The following COMMD1 variants were observed in gnomAD, a reference collection of about 807,000 sequenced individuals.
COMMD1 encodes the protein copper metabolism domain containing 1.
Under a neutral mutation model 17.2 loss-of-function variants are expected in COMMD1, and 10 were observed. That is an observed-to-expected ratio of 0.58 (90% CI 0.36 to 0.99). The LOEUF is 0.99. COMMD1 is among the 50% of genes least tolerant of loss of function. COMMD1 has a pLI of 0.01. For missense variants in COMMD1, 270 were observed against 231.8 expected, an observed-to-expected ratio of 1.17 and a Z score of -1.07; for synonymous variants, 97 against 91.6, an observed-to-expected ratio of 1.06 and a Z score of -0.34.
intron 1 of COMMD1, among the ~76,000 whole-genome samples, chr2:61,974,464 G>C (rs1228108049): frequency 6.6e-6 from 1 of 151,728 alleles, no homozygotes; most frequent in Non-Finnish European, 1.5e-5. Context: ...ACTAGGTCAG[G>C]AGTTCAAGAC....
chr2:62,082,922 A>T (rs752654022), intron 2 of COMMD1, among the ~76,000 whole-genome samples: 1 of 152,132 alleles, frequency 6.6e-6, no homozygotes, highest in Non-Finnish European at 1.5e-5. Context: ...GATATCAGCT[A>T]TCCAATTCCC....
chr2:61,961,110 G>GTTTTTGGTGTTGCC (rs1252474715), intron 1 of COMMD1, among the ~76,000 whole-genome samples: 1 of 152,216 alleles, frequency 6.6e-6, no homozygotes, highest in African/African-American at 2.4e-5. Context: ...TGGAAATGAA[G>GTTTTTGGTGTTGCC]TTTTTGGTGT....
At chr2:61,952,173 TATAGTTTAACCTGAAAGCAAGG>T (rs1222913454) in intron 1 of COMMD1, among the ~76,000 whole-genome samples, 4 of 152,244 alleles carry the variant, frequency 2.6e-5, no homozygotes, top group Non-Finnish European at 5.9e-5. Flanking sequence ...GAATTTAGTT[TATAGTTTAACCTGAAAGCAAGG>T]ATAATATTCC....
chr2:62,033,939 A>C (rs112534133), intron 2 of COMMD1, among the ~76,000 whole-genome samples: 5 of 151,884 alleles, frequency 3.3e-5, no homozygotes. Flanking sequence ...GGGAGACCCC[A>C]TTTCTACAAA....
chr2:62,054,090 A>G (rs1473311525), intron 2 of COMMD1, among the ~76,000 whole-genome samples: 3 of 152,244 alleles, frequency 2.0e-5, no homozygotes, highest in South Asian at 2.1e-4. Flanking sequence ...GCCAACAGGT[A>G]TATGAAAAAA....
At chr2:62,121,738 C>CA (rs549415329) in intron 2 of COMMD1, among the ~76,000 whole-genome samples, 13,111 of 79,808 alleles carry the variant, frequency 0.16, 1,810 homozygotes, top group African/African-American at 0.41. Context: ...GACTCCGTCT[C>CA]AAAAAAAAAA....
chr2:61,896,163 T>C (rs896847827), intron 1 of COMMD1, among the ~76,000 whole-genome samples: 2 of 152,200 alleles, frequency 1.3e-5, no homozygotes, highest in African/African-American at 4.8e-5. Context: ...AGGAAACTGC[T>C]ATGGTTTGAA....
At chr2:62,051,006 A>T (rs1244565853) in intron 2 of COMMD1, among the ~76,000 whole-genome samples, 1 of 152,082 alleles carries the variant, frequency 6.6e-6, no homozygotes, top group Non-Finnish European at 1.5e-5. Context: ...CTGTAGGTGA[A>T]ATTGTTATTA....
At chr2:61,892,679 A>G (rs1373566502) in intron 1 of COMMD1, among the ~76,000 whole-genome samples, 3 of 149,466 alleles carry the variant, frequency 2.0e-5, no homozygotes, top group Non-Finnish European at 4.4e-5. Flanking sequence ...GGGCAACAAG[A>G]GGGAAACTCT....
chr2:61,906,334 G>C (rs1409524305), intron 1 of COMMD1, among the ~76,000 whole-genome samples: 1 of 152,196 alleles, frequency 6.6e-6, no homozygotes, highest in Admixed American at 6.5e-5. Flanking sequence ...CCAGCTTGAA[G>C]TCAAAGTATA....
At chr2:62,092,969 G>A (rs779638023) in intron 2 of COMMD1, among the ~76,000 whole-genome samples, 92 of 152,270 alleles carry the variant, frequency 6.0e-4, no homozygotes, top group Non-Finnish European at 9.1e-4. Flanking sequence ...CCAACCCAGA[G>A]GATTGGGGAT....
intron 2 of COMMD1, among the ~76,000 whole-genome samples, chr2:62,035,712 C>T (rs559624586): frequency 6.8e-6 from 1 of 146,018 alleles, no homozygotes; most frequent in African/African-American, 2.6e-5. Context: ...TGCACTCCAG[C>T]CTGTGCAACA....
intron 2 of COMMD1, among the ~76,000 whole-genome samples, chr2:62,040,063 C>T (rs2103892672): frequency 6.6e-6 from 1 of 152,248 alleles, no homozygotes; most frequent in Non-Finnish European, 1.5e-5. Context: ...TTGAGATTAG[C>T]CTAGTCAACA....
At chr2:62,099,149 G>T (rs1558598996) in intron 2 of COMMD1, among the ~76,000 whole-genome samples, 1 of 152,198 alleles carries the variant, frequency 6.6e-6, no homozygotes, top group Non-Finnish European at 1.5e-5. Context: ...TCTGGACAAG[G>T]AAGTTCAGAG....
intron 1 of COMMD1, among the ~76,000 whole-genome samples, chr2:61,948,570 T>C (rs1670971953): frequency 6.6e-6 from 1 of 152,220 alleles, no homozygotes; most frequent in Non-Finnish European, 1.5e-5. Context: ...ATTTAGTCTT[T>C]AGTCAGGCAT....
intron 2 of COMMD1, among the ~76,000 whole-genome samples, chr2:62,039,956 T>C (rs967678789): frequency 3.9e-5 from 6 of 152,214 alleles, no homozygotes; most frequent in Non-Finnish European, 7.3e-5. Flanking sequence ...CAATAGCCAT[T>C]TGTTAAGAGT....
In COMMD1 at chr2:62,070,548, T is replaced by TAAA. The variant is rs70946779; in HGVS notation, c.463-65269_463-65267dup. On this transcript the variant is annotated intron_variant, in intron 2 of 2. Transcript: ENST00000311832. The stretch of plus-strand genomic sequence containing the variant: ...GAATGACAGAGCAAGACCCTGTCTC[T>TAAA]AAAAAAAAAAAAAAAACAACTAAAA... Among the ~76,000 whole-genome samples the TAAA allele has an allele frequency of 7.8e-3, 1,025 of 131,052 alleles. 23 individuals carry two copies. The highest frequency in any genetic ancestry group is 0.022 in the African/African-American group (755 of 34,686). The allele number at this position is 131,052 out of a possible 152,430, so 86.0% of individuals were successfully genotyped here.
chr2:62,024,291 A>C (rs1442979594), intron 2 of COMMD1, among the ~76,000 whole-genome samples: 1 of 152,062 alleles, frequency 6.6e-6, no homozygotes, highest in Non-Finnish European at 1.5e-5. Flanking sequence ...ATCTCAGCTC[A>C]CTGTAACCTC....
At chr2:62,014,883 TGTACAGTCCAGTGGTATTAA>T (rs1669393259) in intron 2 of COMMD1, among the ~76,000 whole-genome samples, 2 of 152,066 alleles carry the variant, frequency 1.3e-5, no homozygotes, top group South Asian at 4.2e-4. Flanking sequence ...AGTTTTTAAG[TGTACAGTCCAGTGGTATTAA>T]GTACAGCCCA....
Sources: gnomAD v4.1 joint callset for allele counts (sites outside exome capture counted in the v4.1 genomes callset) on GRCh38, gnomAD v4.1.1 for gene constraint, MANE v1.5 for transcripts, NCBI Gene and HGNC (gene_info 2026-07-23, HGNC 2026-07-21) for gene names.